The following MAPKAP1 variants were observed in gnomAD, a reference collection of about 807,000 sequenced individuals.
MAPKAP1 encodes target of rapamycin complex 2 subunit MAPKAP1.
MAPKAP1 carries 20 observed loss-of-function variants against 65.7 expected under a neutral mutation model. The ratio of observed to expected loss-of-function variants is 0.30; its 90% CI spans 0.21 to 0.44. The LOEUF is 0.44. Ranked by LOEUF, MAPKAP1 falls within the 20% of genes least tolerant of loss-of-function variation. MAPKAP1 has a pLI of 1.00. For missense variants in MAPKAP1, 423 were observed against 648.0 expected (o/e 0.65, Z 3.77); for synonymous variants, 222 against 244.3 (o/e 0.91, Z 0.85).
At chr9:125,449,083 C>T (rs1248506981) in intron 10 of MAPKAP1, among the ~76,000 whole-genome samples, 1 of 150,914 alleles carries the variant, frequency 6.6e-6, no homozygotes, top group African/African-American at 2.4e-5. Flanking sequence ...GTTTAATATT[C>T]CAATTAGTTC....
intron 2 of MAPKAP1, 141 bp from the exon 3 acceptor site, chr9:125,670,048 C>T (rs1032756819): frequency 2.0e-6 from 1 of 489,698 alleles, no homozygotes; most frequent in Non-Finnish European, 3.6e-6. Context: ...AAGGTGGCAC[C>T]CCTGAAAAGC....
At chr9:125,703,390 C>G (rs1397758716) in intron 1 of MAPKAP1, among the ~76,000 whole-genome samples, 1 of 152,172 alleles carries the variant, frequency 6.6e-6, no homozygotes, top group East Asian at 1.9e-4. Context: ...AAATTTAACA[C>G]AAGCTGAAAT....
At chr9:125,465,959 G>A (rs1388309982) in intron 10 of MAPKAP1, among the ~76,000 whole-genome samples, 2 of 152,212 alleles carry the variant, frequency 1.3e-5, no homozygotes, top group South Asian at 2.1e-4. Context: ...TCGTGTGCAA[G>A]TAGTTACAGT....
chr9:125,479,183 T>C (rs1165634830), intron 9 of MAPKAP1, among the ~76,000 whole-genome samples: 1 of 152,256 alleles, frequency 6.6e-6, no homozygotes, highest in African/African-American at 2.4e-5. Context: ...CAGTAAGCAC[T>C]TGATAATAAC....
intron 4 of MAPKAP1, among the ~76,000 whole-genome samples, chr9:125,655,924 T>C (rs1834021099): frequency 6.6e-6 from 1 of 152,234 alleles, no homozygotes; most frequent in African/African-American, 2.4e-5. Flanking sequence ...GGAGATGGTT[T>C]ACTTTTTATT....
chr9:125,532,305 C>G (rs958058316), intron 7 of MAPKAP1, among the ~76,000 whole-genome samples: 1 of 152,134 alleles, frequency 6.6e-6, no homozygotes, highest in Non-Finnish European at 1.5e-5. Flanking sequence ...TACAAAAATA[C>G]CTGGAATACA....
At chr9:125,476,076 A>G (rs377763196) in intron 9 of MAPKAP1, among the ~76,000 whole-genome samples, 1 of 152,178 alleles carries the variant, frequency 6.6e-6, no homozygotes, top group East Asian at 1.9e-4. Flanking sequence ...CTCCATAGGA[A>G]TTCTCAAAAG....
intron 4 of MAPKAP1, among the ~76,000 whole-genome samples, chr9:125,637,622 G>A (rs150765387): frequency 3.4e-3 from 522 of 152,284 alleles, no homozygotes; most frequent in South Asian, 7.5e-3. Context: ...TTCACCTACA[G>A]GCCAGTTCCT....
intron 7 of MAPKAP1, chr9:125,521,809 T>A (rs759752481): frequency 3.8e-6 from 6 of 1,582,142 alleles, no homozygotes; most frequent in Admixed American, 1.7e-5. Context: ...ACTTCATTTA[T>A]CTTCAACCTT....
intron 1 of MAPKAP1, among the ~76,000 whole-genome samples, chr9:125,679,889 G>A (rs573449688): frequency 2.0e-5 from 3 of 152,264 alleles, no homozygotes; most frequent in South Asian, 4.1e-4. Context: ...GCAACAGCCC[G>A]AGGCTTCACA....
intron 4 of MAPKAP1, among the ~76,000 whole-genome samples, chr9:125,627,925 C>G (rs1042955283): frequency 2.0e-5 from 3 of 152,192 alleles, no homozygotes; most frequent in African/African-American, 7.2e-5. Flanking sequence ...TAGTTACATA[C>G]AAACTGAAGC....
intron 10 of MAPKAP1, among the ~76,000 whole-genome samples, chr9:125,462,915 G>C (rs1853550284): frequency 6.6e-6 from 1 of 152,178 alleles, no homozygotes; most frequent in Non-Finnish European, 1.5e-5. Context: ...GGGAAAGACT[G>C]ACTCGTGTAC....
chr9:125,500,915 G>A (rs990876397), intron 8 of MAPKAP1, among the ~76,000 whole-genome samples: 20 of 152,088 alleles, frequency 1.3e-4, no homozygotes, highest in Non-Finnish European at 2.4e-4. Flanking sequence ...AAAATGACAG[G>A]GGCGGAGGGA....
intron 1 of MAPKAP1, among the ~76,000 whole-genome samples, chr9:125,699,365 C>A (rs1311103617): frequency 6.6e-6 from 1 of 151,964 alleles, no homozygotes; most frequent in African/African-American, 2.4e-5. Flanking sequence ...CACACCACCA[C>A]ACCAAGCTAA....
chr9:125,531,862 T>C (rs1409555701), intron 7 of MAPKAP1, among the ~76,000 whole-genome samples: 1 of 152,206 alleles, frequency 6.6e-6, no homozygotes, highest in East Asian at 1.9e-4. Flanking sequence ...TCAGCATACA[T>C]AGCATTAACT....
chr9:125,669,856 T>C lies in MAPKAP1; in HGVS notation c.311A>G (p.Lys104Arg). 3 of 1,595,554 alleles carry C rather than the reference T, an allele frequency of 1.9e-6. No individual in the cohort carries two copies. The highest frequency in any genetic ancestry group is 2.6e-6 in the Non-Finnish European group (3 of 1,168,748). Residue 104 changes from lysine to arginine, a missense_variant, in exon 3 of 12, where the codon AAA becomes AGA. Lys to Arg is a conservative substitution (Grantham distance 26). Around this residue, in one of 6 missense-constraint regions of MAPKAP1, gnomAD observed 67 missense variants for 69.6 expected, o/e 0.96. Transcript: ENST00000265960. ...ATTTCTTTCTTTCCACTGAATATTT[T>C]TGCATTTGATCTGGTTTTGTCTCTC... Reference protein sequence around the residue: ...RKERQNQIKCKNIQWKERNSK... With the variant: ...RKERQNQIKCRNIQWKERNSK...
intron 3 of MAPKAP1, among the ~76,000 whole-genome samples, chr9:125,662,090 T>G (rs1432507981): frequency 6.6e-6 from 1 of 152,168 alleles, no homozygotes; most frequent in Non-Finnish European, 1.5e-5. Flanking sequence ...TATTAAATAA[T>G]TATTTCTTGG....
intron 5 of MAPKAP1, among the ~76,000 whole-genome samples, chr9:125,570,730 ATTGTT>A (rs1044416269): frequency 3.3e-5 from 5 of 152,206 alleles, no homozygotes; most frequent in African/African-American, 1.2e-4. Context: ...GTATTGAAGG[ATTGTT>A]TTAAGTAAGA....
intron 5 of MAPKAP1, among the ~76,000 whole-genome samples, chr9:125,560,695 A>C (rs774658710): frequency 3.3e-5 from 5 of 152,238 alleles, no homozygotes; most frequent in Non-Finnish European, 5.9e-5. Flanking sequence ...AAGAGTATCT[A>C]AGTCAGTTGG....
Sources: gnomAD v4.1 joint callset for allele counts (sites outside exome capture counted in the v4.1 genomes callset) on GRCh38, gnomAD v4.1.1 for gene constraint, gnomAD v4.1.1 regional missense constraint, MANE v1.5 for transcripts, NCBI Gene and HGNC (gene_info 2026-07-23, HGNC 2026-07-21) for gene names.